Variants in PCTP observed in about 807,000 individuals in gnomAD.
PCTP encodes the protein phosphatidylcholine transfer protein, also known as START domain-containing protein 2.
A neutral mutation model predicts 31.0 loss-of-function variants in PCTP; 27 were observed. The observed-to-expected ratio is 0.87, with a 90% CI of 0.64 to 1.20. The LOEUF is 1.20. PCTP is among the 50% of genes most tolerant of loss of function. PCTP has a pLI of 0.00. For synonymous variants in PCTP, 108 were observed against 101.2 expected (o/e 1.07, Z -0.40); for missense variants, 287 against 268.2 (o/e 1.07, Z -0.49).
At chr17:55,773,384 T>G (rs1911115740) in intron 3 of PCTP, among the ~76,000 whole-genome samples, 2 of 152,134 alleles carry the variant, frequency 1.3e-5, no homozygotes, top group African/African-American at 2.4e-5. Context: ...CAAGGCTGAG[T>G]AGCTTACCTA....
rs1911169722 is a variant in PCTP at position 55,774,037 on chromosome 17, G to A, written c.511+142G>A. On this transcript the variant is annotated intron_variant, in intron 4 of 5. Coordinates refer to ENST00000268896, the MANE Select transcript of PCTP (RefSeq NM_021213.4). ...AAAGCTGCAGAGCAAACCAGGATCA[G>A]CACCTAGAGAGAGCCTCATTCCACC... 1.5e-5 allele frequency: 15 copies of A among 988,366 alleles called. No homozygotes were observed. The South Asian group carries it at 2.6e-4, about 17-fold the overall frequency. The allele number at this position is 988,366 out of a possible 1,614,324, so 61.2% of individuals were successfully genotyped here.
intron 3 of PCTP, among the ~76,000 whole-genome samples, chr17:55,773,003 C>A: frequency 6.6e-6 from 1 of 152,184 alleles, no homozygotes; most frequent in Admixed American, 6.5e-5. Context: ...GTAGTGATTC[C>A]TGTTGTTTCA....
At position 55,775,696 on chromosome 17, in the gene PCTP, C is replaced by T. The variant is rs184874838; in HGVS notation, c.580-339C>T. ...ATTTTCTAATTCAGTAAAGCAAGTG[C>T]TTTCATTTCTTTGGAAGAATGTAAC... On this transcript the variant is annotated intron_variant, in intron 5 of 5. Coordinates refer to ENST00000268896, the MANE Select transcript of PCTP (RefSeq NM_021213.4). 64 of 1,211,618 alleles carry T rather than the reference C, an allele frequency of 5.3e-5. No individual in the cohort carries two copies. In the African/African-American group the frequency reaches 8.6e-4, roughly 16 times the overall value. The allele number at this position is 1,211,618 out of a possible 1,614,324, so 75.1% of individuals were successfully genotyped here. A position where few individuals can be genotyped will look rare whatever the true frequency, so the allele number is the denominator to read the frequency against.
At chr17:55,843,528 T>G (rs1215877298), downstream of PCTP, among the ~76,000 whole-genome samples, 1 of 152,178 alleles carries the variant, frequency 6.6e-6, no homozygotes, top group Non-Finnish European at 1.5e-5. Context: ...TCGTGATAGT[T>G]CCTTTGTCTA....
At chr17:55,790,217 G>A (rs1443537955) in intron 3 of PCTP, among the ~76,000 whole-genome samples, 1 of 151,962 alleles carries the variant, frequency 6.6e-6, no homozygotes, top group Non-Finnish European at 1.5e-5. Context: ...GGCAAAAACT[G>A]GAAGCATTCC....
chr17:55,779,732 G>A (rs1041342990), downstream of PCTP, among the ~76,000 whole-genome samples: 3 of 152,210 alleles, frequency 2.0e-5, no homozygotes, highest in Non-Finnish European at 4.4e-5. Flanking sequence ...GTAGCATTGT[G>A]TGGGGCTACT....
At chr17:55,796,836 G>T (rs949979619) in intron 3 of PCTP, among the ~76,000 whole-genome samples, 1 of 151,924 alleles carries the variant, frequency 6.6e-6, no homozygotes, top group East Asian at 1.9e-4. Context: ...AGGAAAAAAA[G>T]ATTATTTCTG....
rs749767969 is a variant in PCTP at position 55,776,074 on chromosome 17, T to C, written c.619T>C (p.Cys207Arg). ...PNFLKDMARA[C>R]QNYLKKT ...CTTCTTGAAAGACATGGCAAGAGCC[T>C]GTCAGAACTACCTCAAGAAAACCTA... Residue 207 changes from cysteine (C) to arginine (R), a missense_variant, in exon 6 of 6, where the codon TGT becomes CGT. Transcript: ENST00000268896. The C allele has an allele frequency of 3.1e-6, 5 of 1,614,100 alleles. No homozygotes were observed. In the Admixed American group the frequency reaches 6.7e-5, roughly 22 times the overall value.
At chr17:55,758,661 G>C (rs1910174940) in intron 1 of PCTP, among the ~76,000 whole-genome samples, 1 of 152,208 alleles carries the variant, frequency 6.6e-6, no homozygotes, top group South Asian at 2.1e-4. Context: ...CATGTCTCCA[G>C]GACACCCGTC....
intron 1 of PCTP, among the ~76,000 whole-genome samples, chr17:55,756,154 T>C (rs780869099): frequency 2.0e-5 from 3 of 152,204 alleles, no homozygotes; most frequent in Non-Finnish European, 4.4e-5. Flanking sequence ...CATGTGCTAC[T>C]GTCTTCATAG....
chr17:55,818,886 G>A (rs901080788), intron 3 of PCTP, among the ~76,000 whole-genome samples: 3 of 151,834 alleles, frequency 2.0e-5, no homozygotes, highest in African/African-American at 7.3e-5. Flanking sequence ...TCAGAAGGGT[G>A]GCCAGGAGGG....
At chr17:55,848,918 GT>G in the PCTP span, among the ~76,000 whole-genome samples, 22 of 152,112 alleles carry the variant, frequency 1.4e-4, no homozygotes, top group South Asian at 3.3e-3. Context: ...ATAGAAAACA[GT>G]TCATGCTTAC....
Position 55,774,871 on chromosome 17 carries a change from G to A in PCTP, c.579+12G>A. ...ACTGGGCCGCCAAGGTGAGATCCCA[G>A]GAGGTGGGGCGGGGGGAGGGATGGG... On this transcript the variant is annotated intron_variant, in intron 5 of 5. Coordinates refer to ENST00000268896, the MANE Select transcript of PCTP (RefSeq NM_021213.4). 1.2e-6 allele frequency: 1 copy of A among 830,616 alleles called. No individual in the cohort carries two copies. The highest frequency in any genetic ancestry group is 1.9e-6 in the Non-Finnish European group (1 of 528,278). The allele number at this position is 830,616 out of a possible 1,614,324, so 51.5% of individuals were successfully genotyped here. A position where few individuals can be genotyped will look rare whatever the true frequency, so the allele number is the denominator to read the frequency against.
intron 3 of PCTP, among the ~76,000 whole-genome samples, chr17:55,787,838 T>C (rs1356092481): frequency 6.6e-6 from 1 of 152,156 alleles, no homozygotes. Flanking sequence ...CCTTTAATGA[T>C]CATAATGTAC....
chr17:55,752,648 C>A (rs1327312364), intron 1 of PCTP, among the ~76,000 whole-genome samples: 1 of 152,202 alleles, frequency 6.6e-6, no homozygotes, highest in African/African-American at 2.4e-5. Context: ...ATTAGTAGGG[C>A]TGGCCTTTAC....
At chr17:55,828,478 A>G (rs1000409664) in intron 5 of PCTP, among the ~76,000 whole-genome samples, 2 of 152,180 alleles carry the variant, frequency 1.3e-5, no homozygotes, top group African/African-American at 4.8e-5. Flanking sequence ...GTGCTTTCAC[A>G]TGGCATTCTC....
At chr17:55,752,290 ACAGGAATGAAAACTCTGCCTGTCTCATTG>A (rs1398226615) in intron 1 of PCTP, among the ~76,000 whole-genome samples, 1 of 152,222 alleles carries the variant, frequency 6.6e-6, no homozygotes, top group Non-Finnish European at 1.5e-5. Flanking sequence ...CACCTGTTAA[ACAGGAATGAAAACTCTGCCTGTCTCATTG>A]CAGGAATGAA....
chr17:55,768,463 G>C (rs1335890057), intron 2 of PCTP, among the ~76,000 whole-genome samples: 2 of 152,196 alleles, frequency 1.3e-5, no homozygotes, highest in African/African-American at 4.8e-5. Flanking sequence ...AGCATTCTAG[G>C]CTCAGGGATC....
intron 3 of PCTP, among the ~76,000 whole-genome samples, chr17:55,805,952 G>A (rs1423402828): frequency 6.7e-6 from 1 of 148,360 alleles, no homozygotes; most frequent in East Asian, 2.0e-4. Flanking sequence ...CCTCATTTTT[G>A]GTGAGAGTGA....
Sources: gnomAD v4.1 joint callset for allele counts (sites outside exome capture counted in the v4.1 genomes callset) on GRCh38, gnomAD v4.1.1 for gene constraint, MANE v1.5 for transcripts, NCBI Gene and HGNC (gene_info 2026-07-23, HGNC 2026-07-21) for gene names.